The following KDM1A variants were observed in gnomAD, a reference collection of about 807,000 sequenced individuals.
KDM1A encodes lysine demethylase 1A, also known as lysine-specific histone demethylase 1A.
Under a neutral mutation model 109.4 loss-of-function variants are expected in KDM1A, and 49 were observed. The ratio of observed to expected loss-of-function variants is 0.45; its 90% CI spans 0.36 to 0.57. The LOEUF (loss-of-function observed/expected upper bound fraction) is 0.57. Among genes scored for constraint, KDM1A ranks in the 20% least tolerant of loss-of-function variants. The pLI, the probability that KDM1A is intolerant of heterozygous loss-of-function variation, is 0.00. For missense variants in KDM1A, 668 were observed against 1,116.6 expected, an observed-to-expected ratio of 0.60 and a Z score of 5.73; for synonymous variants, 380 against 415.4, an observed-to-expected ratio of 0.91 and a Z score of 1.04.
intron 11 of KDM1A, 40 bp from the exon 12 acceptor site, chr1:23,069,021 G>A (rs373253665): frequency 1.4e-5 from 20 of 1,409,476 alleles, no homozygotes; most frequent in Middle Eastern, 3.6e-4. Context: ...ATTCTGCAAA[G>A]TTGGCTTTGA....
chr1:23,076,741 G>A (rs1411346028), intron 15 of KDM1A, among the ~76,000 whole-genome samples: 3 of 152,070 alleles, frequency 2.0e-5, no homozygotes, highest in South Asian at 2.1e-4. Flanking sequence ...GGAGGCTGAG[G>A]TGGGTGGGTC....
chr1:23,078,199 AT>A (rs1045621806), intron 16 of KDM1A, among the ~76,000 whole-genome samples: 1 of 152,116 alleles, frequency 6.6e-6, no homozygotes, highest in Non-Finnish European at 1.5e-5. Flanking sequence ...TTTCCATTTA[AT>A]TTTCCCATCA....
chr1:23,053,855 AATAGGACTAATTTGT>A lies in KDM1A; in HGVS notation c.790+18_790+32del. ...CCTTATAACAGTAAGTAGTGTGTTC[AATAGGACTAATTTGT>A]ACTGGATTGTGAAAATTGATACGTT... On this transcript the variant is annotated intron_variant, in intron 5 of 20. Transcript: ENST00000400181. The A allele has an allele frequency of 7.4e-7, 1 of 1,355,324 alleles. No individual in the cohort carries two copies. The highest frequency in any genetic ancestry group is 1.4e-5 in the African/African-American group (1 of 69,894). 84.0% of individuals were successfully genotyped at this position (1,355,324 alleles called of 1,614,324 possible). A position where few individuals can be genotyped will look rare whatever the true frequency, so the allele number is the denominator to read the frequency against.
At position 23,059,030 on chromosome 1, in the gene KDM1A, C is replaced by CT. The variant is rs776884954; in HGVS notation, c.1073-41dup. ...TTTTACTTTAAGGTTTTTGTTCTCT[C>CT]TTCATAGGTCTATTGAATTTAATTG... On this transcript the variant is annotated intron_variant, in intron 8 of 20. Transcript: ENST00000400181. 2.3e-6 allele frequency: 3 copies of CT among 1,291,286 alleles called. No homozygotes were observed. The South Asian group carries it at 4.0e-5, about 17-fold the overall frequency. 80.0% of individuals were successfully genotyped at this position (1,291,286 alleles called of 1,614,324 possible). A position where few individuals can be genotyped will look rare whatever the true frequency, so the allele number is the denominator to read the frequency against.
At chr1:23,082,954 A>C (rs886245498) in intron 20 of KDM1A, 12 of 446,792 alleles carry the variant, frequency 2.7e-5, no homozygotes, top group African/African-American at 9.8e-5. Context: ...CATGTTAAGC[A>C]TCACTTTAGG....
chr1:23,024,057 C>G (rs988721759), intron 1 of KDM1A, among the ~76,000 whole-genome samples: 7 of 152,046 alleles, frequency 4.6e-5, no homozygotes, highest in Admixed American at 2.0e-4. Flanking sequence ...CTGTGTTGCC[C>G]CAGCTGGCCT....
intron 5 of KDM1A, among the ~76,000 whole-genome samples, chr1:23,054,725 C>T (rs989013317): frequency 1.3e-5 from 2 of 152,234 alleles, no homozygotes. Context: ...CTCCTGGGCT[C>T]AGGTGATCCT....
chr1:23,063,205 G>GGC (rs1553130174), intron 9 of KDM1A, among the ~76,000 whole-genome samples: 1,433 of 71,442 alleles, frequency 0.02, 138 homozygotes, highest in African/African-American at 0.068. Context: ...TTGGGGGGGG[G>GGC]GTGTGGTGTG....
chr1:23,058,190 T>C (rs1213529322), intron 8 of KDM1A, among the ~76,000 whole-genome samples: 1 of 152,014 alleles, frequency 6.6e-6, no homozygotes, highest in East Asian at 1.9e-4. Context: ...CCATGCTTGG[T>C]TAATTTTTAA....
Position 23,019,711 on chromosome 1 carries a change from G to A in KDM1A, c.115G>A (p.Ala39Thr). 7.5e-7 allele frequency: 1 copy of A among 1,325,020 alleles called. No individual in the cohort carries two copies. Among genetic ancestry groups the A allele is most frequent in the Non-Finnish European group, 9.6e-7 (1 of 1,038,808 alleles). The allele number at this position is 1,325,020 out of a possible 1,614,324, so 82.1% of individuals were successfully genotyped here. The change falls in exon 1 of 21, where the codon GCG becomes ACG. Residue 39 changes from alanine (A) to threonine (T), a missense_variant. By Grantham distance (58) the Ala-to-Thr change is moderately conservative. Around this residue, in one of 8 missense-constraint regions of KDM1A, gnomAD observed 156 missense variants for 163.4 expected, o/e 0.95. Transcript: ENST00000400181. ...CTCCGAGAACGGGTCTGAGGTGGCC[G>A]CGCAGCCCGCGGGCCTGTCGGGCCC... Reference protein sequence around the residue: ...GGSENGSEVAAQPAGLSGPAE... With the variant: ...GGSENGSEVATQPAGLSGPAE...
intron 9 of KDM1A, among the ~76,000 whole-genome samples, chr1:23,062,606 AT>A (rs900667619): frequency 5.9e-5 from 9 of 152,288 alleles, no homozygotes; most frequent in African/African-American, 2.2e-4. Flanking sequence ...GTAGCAAGTG[AT>A]TTTTATTTTA....
At chr1:23,030,774 T>C in intron 2 of KDM1A, 140 bp downstream of exon 2, 7 of 837,136 alleles carry the variant, frequency 8.4e-6, no homozygotes, top group Non-Finnish European at 1.3e-5. Flanking sequence ...GCCATGTGTG[T>C]CTTTGTGTGT....
chr1:23,076,964 C>CA (rs11406578), intron 15 of KDM1A, among the ~76,000 whole-genome samples: 105,955 of 143,156 alleles, frequency 0.74, 39,447 homozygotes, highest in Non-Finnish European at 0.82. Flanking sequence ...GACTCTGTAT[C>CA]AAAAAAAAAA....
chr1:23,053,968 G>A, intron 5 of KDM1A, 129 bp downstream of exon 5: 1 of 626,640 alleles, frequency 1.6e-6, no homozygotes, highest in Non-Finnish European at 2.9e-6. Flanking sequence ...ACCTTGTGCT[G>A]TGCAAAAATA....
chr1:23,055,233 A>G (rs978839477), intron 6 of KDM1A, 72 bp downstream of exon 6: 3 of 769,792 alleles, frequency 3.9e-6, no homozygotes, highest in Admixed American at 2.6e-5. Flanking sequence ...TTTTATATCT[A>G]TGATGACGTT....
chr1:23,057,314 T>G (rs1642859980), intron 7 of KDM1A, among the ~76,000 whole-genome samples, 170 bp from the exon 8 acceptor site: 1 of 152,242 alleles, frequency 6.6e-6, no homozygotes, highest in South Asian at 2.1e-4. Context: ...CAAATAGTCT[T>G]CAAGTTAAAC....
At chr1:23,042,353 T>C (rs894518218) in intron 2 of KDM1A, among the ~76,000 whole-genome samples, 1 of 150,082 alleles carries the variant, frequency 6.7e-6, no homozygotes, top group Non-Finnish European at 1.5e-5. Context: ...CTTGCCCAAA[T>C]AAAATTCAGT....
chr1:23,051,821 A>G (rs533402635), intron 4 of KDM1A, among the ~76,000 whole-genome samples: 27 of 152,314 alleles, frequency 1.8e-4, no homozygotes, highest in African/African-American at 4.3e-4. Context: ...TGTTTTGGCT[A>G]TTAGATTGCA....
rs1200744423 is a variant in KDM1A at position 23,045,671 on chromosome 1, G to GT, written c.577+1195dup. Among the ~76,000 whole-genome samples the GT allele has an allele frequency of 9.2e-3, 1,351 of 147,010 alleles. 20 individuals carry two copies. The highest frequency in any genetic ancestry group is 0.033 in the East Asian group (166 of 5,078). On this transcript the variant is annotated intron_variant, in intron 3 of 20. Coordinates refer to ENST00000400181, the MANE Select transcript of KDM1A (RefSeq NM_001009999.3). ...TTGAGTTTTCTTGTTTTTTGTTTCTGTTTTTTTTTTGTGTGTGACTATTTG... is the reference window on the plus strand; with the variant it reads ...TTGAGTTTTCTTGTTTTTTGTTTCTGTTTTTTTTTTTGTGTGTGACTATTTG...
Sources: gnomAD v4.1 joint callset for allele counts (sites outside exome capture counted in the v4.1 genomes callset) on GRCh38, gnomAD v4.1.1 for gene constraint, gnomAD v4.1.1 regional missense constraint, MANE v1.5 for transcripts, NCBI Gene and HGNC (gene_info 2026-07-23, HGNC 2026-07-21) for gene names.